Variants in RBFOX1 observed in about 807,000 individuals in gnomAD.
RBFOX1 encodes the protein RNA binding fox-1 homolog 1.
A neutral mutation model predicts 57.7 loss-of-function variants in RBFOX1; 8 were observed. The ratio of observed to expected loss-of-function variants is 0.14; its 90% CI spans 0.08 to 0.25. RBFOX1 has a LOEUF of 0.25. Ranked by LOEUF, RBFOX1 falls within the 10% of genes least tolerant of loss-of-function variation. The pLI is 1.00. For synonymous variants in RBFOX1, 326 were observed against 222.4 expected, an observed-to-expected ratio of 1.47 and a Z score of -4.15; for missense variants, 611 against 548.5, an observed-to-expected ratio of 1.11 and a Z score of -1.14.
intron 2 of RBFOX1, among the ~76,000 whole-genome samples, chr16:5,515,710 T>C (rs1049298969): frequency 3.9e-5 from 6 of 152,192 alleles, no homozygotes; most frequent in African/African-American, 1.4e-4. Context: ...TTGGGAAATA[T>C]GGCAAGTTCT....
intron 1 of RBFOX1, among the ~76,000 whole-genome samples, chr16:6,153,219 A>G (rs4786088): frequency 6.6e-6 from 1 of 151,738 alleles, no homozygotes; most frequent in Non-Finnish European, 1.5e-5. Flanking sequence ...GTTCCAGAAC[A>G]GAATTAAAAC....
At chr16:7,389,346 A>C (rs1015026513) in intron 4 of RBFOX1, among the ~76,000 whole-genome samples, 2 of 152,080 alleles carry the variant, frequency 1.3e-5, no homozygotes, top group African/African-American at 4.8e-5. Flanking sequence ...GGCTGGTCTT[A>C]AACCCCTGGG....
chr16:5,489,344 C>T (rs900390194), intron 2 of RBFOX1, among the ~76,000 whole-genome samples: 1 of 152,222 alleles, frequency 6.6e-6, no homozygotes, highest in Non-Finnish European at 1.5e-5. Flanking sequence ...GAATTAGGCA[C>T]AAACATCCTT....
downstream of RBFOX1, chr16:5,601,129 G>C (rs2047351653): frequency 1.3e-5 from 2 of 152,212 alleles, no homozygotes; most frequent in African/African-American, 4.8e-5. Context: ...CAGTTACACT[G>C]AACTTAGTGA....
chr16:6,557,762 T>A (rs1169308710), intron 2 of RBFOX1, among the ~76,000 whole-genome samples: 1 of 152,200 alleles, frequency 6.6e-6, no homozygotes, highest in Non-Finnish European at 1.5e-5. Context: ...CTGTGAAAAA[T>A]TTCAGACGGT....
chr16:6,550,516 G>C (rs1005059862), intron 2 of RBFOX1, among the ~76,000 whole-genome samples: 2 of 151,806 alleles, frequency 1.3e-5, no homozygotes, highest in Non-Finnish European at 2.9e-5. Flanking sequence ...AGTAGAGACG[G>C]GGTTTCATGA....
chr16:6,283,484 C>T (rs985979307), intron 1 of RBFOX1, among the ~76,000 whole-genome samples: 4 of 152,112 alleles, frequency 2.6e-5, no homozygotes, highest in Non-Finnish European at 5.9e-5. Context: ...CAATCAGAGG[C>T]CTGTTTTCTT....
At chr16:5,537,144 G>T (rs1045251869) in intron 2 of RBFOX1, among the ~76,000 whole-genome samples, 1 of 152,082 alleles carries the variant, frequency 6.6e-6, no homozygotes, top group African/African-American at 2.4e-5. Context: ...GGCAGTTTAG[G>T]CTTTTCTATA....
intron 4 of RBFOX1, 151 bp from the exon 5 acceptor site, chr16:7,517,996 G>T (rs1158100263): frequency 2.3e-6 from 2 of 851,990 alleles, no homozygotes; most frequent in East Asian, 5.2e-5. Context: ...TGGTGAAGAT[G>T]ACCTGAGATT....
At chr16:6,453,637 A>C (rs2094689660) in intron 2 of RBFOX1, among the ~76,000 whole-genome samples, 1 of 152,070 alleles carries the variant, frequency 6.6e-6, no homozygotes, top group Non-Finnish European at 1.5e-5. Flanking sequence ...TTCTGAAACT[A>C]TTTCCAAACA....
In RBFOX1 at chr16:6,193,364, A is replaced by ATATATATACACAT. The variant is rs1315119908; in HGVS notation, c.-126-123623_-126-123622insCACATTATATATA. On this transcript the variant is annotated intron_variant, in intron 1 of 15. Coordinates refer to ENST00000550418, the MANE Select transcript of RBFOX1 (RefSeq NM_018723.4). The stretch of plus-strand genomic sequence containing the variant: ...CTTTACATATATATACATTATATAT[A>ATATATATACACAT]TATATATATATACATTATATATATA... Among the ~76,000 whole-genome samples the ATATATATACACAT allele has an allele frequency of 1.2e-3, 139 of 120,356 alleles. 11 individuals carry two copies. The highest frequency in any genetic ancestry group is 1.8e-3 in the Non-Finnish European group (108 of 59,880). 79.0% of individuals were successfully genotyped at this position (120,356 alleles called of 152,430 possible).
intron 3 of RBFOX1, among the ~76,000 whole-genome samples, chr16:7,036,708 AAC>A (rs1284517654): frequency 7.4e-6 from 1 of 134,504 alleles, no homozygotes; most frequent in African/African-American, 2.5e-5. Context: ...CAAACAAACA[AAC>A]AAAAAAAACA....
chr16:7,361,759 C>T (rs1228071674), intron 4 of RBFOX1, among the ~76,000 whole-genome samples: 2 of 152,070 alleles, frequency 1.3e-5, no homozygotes, highest in Non-Finnish European at 2.9e-5. Flanking sequence ...AGACTCGAGG[C>T]TGCATCAAGG....
intron 1 of RBFOX1, among the ~76,000 whole-genome samples, chr16:5,348,950 G>T (rs1567368911): frequency 6.6e-6 from 1 of 152,132 alleles, no homozygotes. Flanking sequence ...AGGATTGCTG[G>T]ATCATATGGT....
At chr16:6,844,531 G>A (rs1229588464) in intron 3 of RBFOX1, among the ~76,000 whole-genome samples, 1 of 152,062 alleles carries the variant, frequency 6.6e-6, no homozygotes, top group African/African-American at 2.4e-5. Context: ...TTTTATGGCT[G>A]CATAGTATTC....
intron 4 of RBFOX1, among the ~76,000 whole-genome samples, chr16:7,224,251 T>G (rs142117254): frequency 2.6e-5 from 4 of 152,134 alleles, no homozygotes; most frequent in Admixed American, 2.6e-4. Context: ...ATGGCTTCTT[T>G]TAGTCATCGT....
At chr16:6,394,523 C>T (rs181973294) in intron 2 of RBFOX1, among the ~76,000 whole-genome samples, 109 of 150,750 alleles carry the variant, frequency 7.2e-4, no homozygotes, top group Non-Finnish European at 1.3e-3. Context: ...TTTTGTGATT[C>T]TGAAAGGATG....
chr16:7,088,854 A>G (rs1052181033), intron 4 of RBFOX1, among the ~76,000 whole-genome samples: 1 of 152,166 alleles, frequency 6.6e-6, no homozygotes, highest in African/African-American at 2.4e-5. Flanking sequence ...TCTGTCTTTC[A>G]TCAGCATCAT....
chr16:7,361,128 A>G (rs1438963465), intron 4 of RBFOX1, among the ~76,000 whole-genome samples: 3 of 152,222 alleles, frequency 2.0e-5, no homozygotes, highest in East Asian at 3.9e-4. Flanking sequence ...GAAAGTGGAC[A>G]CCTTCCTCCA....
Sources: allele counts gnomAD v4.1 joint callset (sites outside exome capture counted in the v4.1 genomes callset), GRCh38; gene constraint gnomAD v4.1.1; transcripts MANE v1.5; gene names NCBI Gene and HGNC (gene_info 2026-07-23, HGNC 2026-07-21).